The following TANC1 variants were observed in gnomAD, a reference collection of about 807,000 sequenced individuals.
The protein encoded by TANC1 is tetratricopeptide repeat, ankyrin repeat and coiled-coil containing 1, also known as protein TANC1.
A neutral mutation model predicts 149.7 loss-of-function variants in TANC1; 77 were observed. The observed-to-expected ratio is 0.51, with a 90% CI of 0.43 to 0.62. The LOEUF (loss-of-function observed/expected upper bound fraction) is 0.62. Among genes scored for constraint, TANC1 ranks in the 20% least tolerant of loss-of-function variants. The pLI, the probability that TANC1 is intolerant of heterozygous loss-of-function variation, is 0.00. For missense variants in TANC1, 1,985 were observed against 2,321.8 expected, an observed-to-expected ratio of 0.85 and a Z score of 2.98; for synonymous variants, 854 against 925.0, an observed-to-expected ratio of 0.92 and a Z score of 1.39.
At chr2:159,143,029 C>T (rs1482731046) in intron 5 of TANC1, among the ~76,000 whole-genome samples, 1 of 146,256 alleles carries the variant, frequency 6.8e-6, no homozygotes, top group Non-Finnish European at 1.5e-5. Context: ...CACCACTGCA[C>T]TCCAGCCTGG....
chr2:159,081,750 G>A (rs1193010719), intron 3 of TANC1, among the ~76,000 whole-genome samples: 1 of 152,190 alleles, frequency 6.6e-6, no homozygotes, highest in Non-Finnish European at 1.5e-5. Flanking sequence ...AGATTGGAGG[G>A]GCGGGGCAGA....
intron 9 of TANC1, among the ~76,000 whole-genome samples, chr2:159,170,118 C>T (rs901080024): frequency 6.6e-6 from 1 of 152,250 alleles, no homozygotes; most frequent in East Asian, 1.9e-4. Flanking sequence ...GAGCAGAGCC[C>T]TATTTCTAGG....
rs369028952 is a variant in TANC1 at position 159,088,500 on chromosome 2, T to C, written c.62-9137T>C. ...TGAAATGTGGATCATGCTTTTTAAA[T>C]TTCCTGCTTTTCTTTCCTTATCTTT... On this transcript the variant is annotated intron_variant, in intron 3 of 26. Coordinates refer to ENST00000263635, the MANE Select transcript of TANC1 (RefSeq NM_033394.3). Among the ~76,000 whole-genome samples the C allele has an allele frequency of 1.6e-4, 25 of 152,314 alleles. 2 individuals carry two copies. Among genetic ancestry groups the C allele is most frequent in the African/African-American group, 6.0e-4 (25 of 41,568 alleles).
chr2:159,111,330 T>C (rs1349287517), intron 4 of TANC1, among the ~76,000 whole-genome samples: 1 of 152,182 alleles, frequency 6.6e-6, no homozygotes, highest in Non-Finnish European at 1.5e-5. Flanking sequence ...ACTGAGCACA[T>C]AGCTACATAC....
At chr2:159,059,888 TTGTGTG>T (rs140659801) in intron 2 of TANC1, among the ~76,000 whole-genome samples, 2,698 of 114,800 alleles carry the variant, frequency 0.024, 50 homozygotes, top group Non-Finnish European at 0.03. Flanking sequence ...GCAGACCTCT[TTGTGTG>T]TGTGTGTGTG....
At chr2:159,219,400 A>G in intron 21 of TANC1, 39 bp downstream of exon 21, 1 of 1,612,844 alleles carries the variant, frequency 6.2e-7, no homozygotes, top group Admixed American at 1.7e-5. Flanking sequence ...TTTTGGACGG[A>G]CACAGAGAGA....
At chr2:159,159,412 C>A (rs1055118742) in intron 7 of TANC1, among the ~76,000 whole-genome samples, 1 of 150,232 alleles carries the variant, frequency 6.7e-6, no homozygotes. Context: ...TGCACTCCAG[C>A]CTGGGCAAGA....
chr2:159,161,369 G>A (rs1198847222), intron 7 of TANC1, among the ~76,000 whole-genome samples: 1 of 152,190 alleles, frequency 6.6e-6, no homozygotes, highest in Non-Finnish European at 1.5e-5. Flanking sequence ...TTGGATGTTG[G>A]AGTAGCCTGT....
intron 7 of TANC1, among the ~76,000 whole-genome samples, chr2:159,162,308 C>T (rs1012499379): frequency 2.6e-5 from 4 of 152,026 alleles, no homozygotes; most frequent in Non-Finnish European, 5.9e-5. Context: ...ATTTAACAGG[C>T]GTGGAGTTGA....
chr2:159,145,873 T>G (rs2052023897), intron 5 of TANC1, among the ~76,000 whole-genome samples: 1 of 152,182 alleles, frequency 6.6e-6, no homozygotes, highest in Admixed American at 6.5e-5. Flanking sequence ...GTCAGATATT[T>G]AAATCTGTGA....
At chr2:159,007,742 T>C (rs910082771) in intron 2 of TANC1, among the ~76,000 whole-genome samples, 4 of 152,210 alleles carry the variant, frequency 2.6e-5, no homozygotes, top group Non-Finnish European at 5.9e-5. Flanking sequence ...GCCAGGTTAA[T>C]CTTTCAGAAG....
intron 2 of TANC1, among the ~76,000 whole-genome samples, chr2:159,054,389 A>G (rs1217766169): frequency 6.6e-6 from 1 of 152,228 alleles, no homozygotes; most frequent in East Asian, 1.9e-4. Context: ...CTGGCTGCAC[A>G]TTAGAATCAC....
Position 159,171,309 on chromosome 2 carries a change from G to C in TANC1, c.1351+504G>C, listed in dbSNP as rs566380896. Among the ~76,000 whole-genome samples the C allele has an allele frequency of 5.3e-4, 80 of 152,356 alleles. 1 individual carries two copies. In the South Asian group the frequency reaches 5.4e-3, roughly 10 times the overall value. Reference sequence around the variant, plus strand: ...AACCCACTCTAAACATGGTGAACAAGTGAATCATGCGAGATTTTTAAGACA... The same window carrying C: ...AACCCACTCTAAACATGGTGAACAACTGAATCATGCGAGATTTTTAAGACA... On this transcript the variant is annotated intron_variant, in intron 10 of 26. Coordinates refer to ENST00000263635, the MANE Select transcript of TANC1 (RefSeq NM_033394.3).
chr2:159,058,176 A>G (rs1188764892), intron 2 of TANC1, among the ~76,000 whole-genome samples: 1 of 152,176 alleles, frequency 6.6e-6, no homozygotes, highest in Non-Finnish European at 1.5e-5. Flanking sequence ...TATTGATTTC[A>G]GATTTTTGGC....
At chr2:159,043,864 C>G (rs186418863) in intron 2 of TANC1, among the ~76,000 whole-genome samples, 1 of 152,280 alleles carries the variant, frequency 6.6e-6, no homozygotes, top group East Asian at 1.9e-4. Flanking sequence ...CCTTATCGCT[C>G]CTGGAAGACA....
chr2:159,088,612 A>T (rs913815265), intron 3 of TANC1, among the ~76,000 whole-genome samples: 1 of 152,216 alleles, frequency 6.6e-6, no homozygotes, highest in Non-Finnish European at 1.5e-5. Context: ...TGTGGGTCAC[A>T]TGAGGCCCAG....
intron 2 of TANC1, among the ~76,000 whole-genome samples, chr2:159,059,457 T>C (rs113699718): frequency 6.6e-6 from 1 of 151,908 alleles, no homozygotes; most frequent in African/African-American, 2.4e-5. Flanking sequence ...ACTGTCACTG[T>C]CATGGTGCCA....
intron 22 of TANC1, among the ~76,000 whole-genome samples, chr2:159,220,802 G>A (rs1028649504): frequency 5.3e-5 from 8 of 152,106 alleles, no homozygotes; most frequent in African/African-American, 1.7e-4. Context: ...GGCTGGTCTC[G>A]AACTCCTGGG....
At chr2:159,061,804 A>AT (rs2149666861) in intron 2 of TANC1, among the ~76,000 whole-genome samples, 1 of 152,178 alleles carries the variant, frequency 6.6e-6, no homozygotes, top group Admixed American at 6.5e-5. Flanking sequence ...CGTTCTTCAC[A>AT]TTTTCAAAGA....
Sources: allele counts gnomAD v4.1 joint callset (sites outside exome capture counted in the v4.1 genomes callset), GRCh38; gene constraint gnomAD v4.1.1; transcripts MANE v1.5; gene names NCBI Gene and HGNC (gene_info 2026-07-23, HGNC 2026-07-21).